NUP153: variants seen among roughly 807,000 people sequenced by gnomAD.
NUP153 encodes nuclear pore complex protein Nup153.
A neutral mutation model predicts 134.6 loss-of-function variants in NUP153; 27 were observed. That is an observed-to-expected ratio of 0.20 (90% CI 0.15 to 0.28). NUP153 has a LOEUF of 0.28. Ranked by LOEUF, NUP153 falls within the 10% of genes least tolerant of loss-of-function variation. The pLI, the probability that NUP153 is intolerant of heterozygous loss-of-function variation, is 1.00. For missense variants in NUP153, 1,821 were observed against 1,731.3 expected, an observed-to-expected ratio of 1.05 and a Z score of -0.92; for synonymous variants, 640 against 623.5, an observed-to-expected ratio of 1.03 and a Z score of -0.40.
intron 2 of NUP153, among the ~76,000 whole-genome samples, chr6:17,682,490 C>T (rs1341779910): frequency 3.9e-5 from 6 of 152,156 alleles, no homozygotes; most frequent in Non-Finnish European, 8.8e-5. Context: ...ATTCTAACTG[C>T]AGAATTTTCA....
At chr6:17,644,715 G>A (rs1443314218) in intron 14 of NUP153, among the ~76,000 whole-genome samples, 3 of 152,140 alleles carry the variant, frequency 2.0e-5, no homozygotes, top group Non-Finnish European at 4.4e-5. Context: ...GGCCAAGGTG[G>A]GCAGATCACC....
At position 17,675,082 on chromosome 6, in the gene NUP153, T is replaced by C; in HGVS notation, c.724-49A>G. Reference sequence around the variant, plus strand: ...TTATAAGCCATATGAACCCAGGAGGTGGAGGTTGCAGTGAGTTAAGATCAT... The same window carrying C: ...TTATAAGCCATATGAACCCAGGAGGCGGAGGTTGCAGTGAGTTAAGATCAT... On this transcript the variant is annotated intron_variant, in intron 4 of 21. Coordinates refer to ENST00000262077, the MANE Select transcript of NUP153 (RefSeq NM_005124.4). This position sits in a 1 kb window ranked among gnomAD's most constrained non-coding sequence, Gnocchi z 4.4. The C allele has an allele frequency of 6.3e-7, 1 of 1,599,602 alleles. No homozygotes were observed. Among genetic ancestry groups the C allele is most frequent in the Non-Finnish European group, 8.5e-7 (1 of 1,172,458 alleles).
In NUP153 at chr6:17,675,245, A is replaced by C. The variant is rs773570751; in HGVS notation, c.707T>G (p.Phe236Cys). Residue 236 changes from phenylalanine (F) to cysteine (C), a missense_variant, in exon 4 of 22, where the codon TTT becomes TGT. Physicochemically the swap from Phe to Cys is radical, Grantham distance 205. Coordinates refer to ENST00000262077, the MANE Select transcript of NUP153 (RefSeq NM_005124.4). This position sits in a 1 kb window ranked among gnomAD's most constrained non-coding sequence, Gnocchi z 4.4. The stretch of plus-strand genomic sequence containing the variant: ...AGTACTCACAGGGGAAAGTGTTCCA[A>C]AGGCAGACAAGTTGAATGCTGGTTT... ...SKKPAFNLSA[F>C]GTLSPSLGNS... is the part of the protein sequence containing the mutation. 1 of 1,614,178 alleles carries C rather than the reference A, an allele frequency of 6.2e-7. No individual in the cohort carries two copies. Among genetic ancestry groups the C allele is most frequent in the Admixed American group, 1.7e-5 (1 of 60,026 alleles).
At position 17,706,118 on chromosome 6, in the gene NUP153, T is replaced by C. The variant is rs928081374; in HGVS notation, c.111+159A>G. On this transcript the variant is annotated intron_variant, in intron 1 of 21. Coordinates refer to ENST00000262077, the MANE Select transcript of NUP153 (RefSeq NM_005124.4). The surrounding 1 kb of genome is among the most constrained non-coding windows in gnomAD (Gnocchi z 5.9). Reference sequence around the variant, plus strand: ...TGGGCCTGTCTCAGCCCACTTCCCGTCGCCACCCCCAACGGCCTGAGCTCC... The same window carrying C: ...TGGGCCTGTCTCAGCCCACTTCCCGCCGCCACCCCCAACGGCCTGAGCTCC... 12 of 630,772 alleles carry C rather than the reference T, an allele frequency of 1.9e-5. No homozygotes were observed. In the Admixed American group the frequency reaches 3.0e-4, roughly 16 times the overall value. The allele number at this position is 630,772 out of a possible 1,614,324, so 39.1% of individuals were successfully genotyped here. A position where few individuals can be genotyped will look rare whatever the true frequency, so the allele number is the denominator to read the frequency against.
At chr6:17,639,535 T>C (rs1182916602) in intron 15 of NUP153, among the ~76,000 whole-genome samples, 1 of 152,254 alleles carries the variant, frequency 6.6e-6, no homozygotes, top group African/African-American at 2.4e-5. Context: ...CTGCTCCCTA[T>C]GTATATGTTA....
chr6:17,644,018 T>C (rs2113792916), intron 14 of NUP153, among the ~76,000 whole-genome samples: 1 of 152,256 alleles, frequency 6.6e-6, no homozygotes, highest in South Asian at 2.1e-4. Context: ...AATTCCTTAT[T>C]AATTTCTATT....
chr6:17,670,093 C>G lies in NUP153; in HGVS notation c.853-547G>C, dbSNP rs1253189861. 7.8e-5 allele frequency among the ~76,000 whole-genome samples: 5 copies of G among 64,046 alleles called. No homozygotes were observed. In the South Asian group the frequency reaches 2.9e-3, roughly 38 times the overall value. The allele number at this position is 64,046 out of a possible 152,430, so 42.0% of individuals were successfully genotyped here. A position where few individuals can be genotyped will look rare whatever the true frequency, so the allele number is the denominator to read the frequency against. On this transcript the variant is annotated intron_variant, in intron 5 of 21. Coordinates refer to ENST00000262077, the MANE Select transcript of NUP153 (RefSeq NM_005124.4). ...CCTGGGCAACAGAGCGAGACTCTTT[C>G]TCAAAAAAAAAAAAAAAAAAAAAAA...
At chr6:17,618,588 T>TG (rs1435772004) in intron 20 of NUP153, among the ~76,000 whole-genome samples, 1 of 145,778 alleles carries the variant, frequency 6.9e-6, no homozygotes, top group African/African-American at 2.6e-5. Context: ...TTTTTAAAGA[T>TG]GGAGTCTGGC....
intron 5 of NUP153, among the ~76,000 whole-genome samples, chr6:17,673,226 A>G (rs1768021082): frequency 6.6e-6 from 1 of 152,114 alleles, no homozygotes; most frequent in African/African-American, 2.4e-5. Context: ...AAAATCAGCC[A>G]GGTGTGGTGG....
intron 1 of NUP153, among the ~76,000 whole-genome samples, chr6:17,691,166 G>A (rs1231605025): frequency 6.6e-6 from 1 of 151,890 alleles, no homozygotes; most frequent in African/African-American, 2.4e-5. Context: ...AAAAGGAAAG[G>A]TATAGGTAGC....
chr6:17,685,848 A>C (rs1217274197), intron 2 of NUP153, among the ~76,000 whole-genome samples: 1 of 151,822 alleles, frequency 6.6e-6, no homozygotes, highest in African/African-American at 2.4e-5. Flanking sequence ...TTCCACTTAC[A>C]TTAAAAAAAA....
intron 10 of NUP153, 48 bp downstream of exon 10, chr6:17,661,970 T>C (rs1283862766): frequency 7.1e-7 from 1 of 1,409,702 alleles, no homozygotes; most frequent in Non-Finnish European, 1.0e-6. Context: ...AATACAGACC[T>C]TACAAGTTAA....
At chr6:17,651,849 T>C in intron 11 of NUP153, 1 of 661,612 alleles carries the variant, frequency 1.5e-6, no homozygotes, top group Non-Finnish European at 2.8e-6. Flanking sequence ...ATCTCAGCAC[T>C]TTGAGAGGCC....
At chr6:17,667,032 C>A (rs1184318671) in intron 8 of NUP153, among the ~76,000 whole-genome samples, 1 of 152,092 alleles carries the variant, frequency 6.6e-6, no homozygotes, top group African/African-American at 2.4e-5. Context: ...TTCTTAGCAC[C>A]CATTAATAAA....
intron 14 of NUP153, among the ~76,000 whole-genome samples, chr6:17,644,551 C>A (rs770671243): frequency 9.9e-5 from 15 of 152,166 alleles, no homozygotes; most frequent in Non-Finnish European, 2.2e-4. Flanking sequence ...GTTTATATTT[C>A]TTGGGTAAAA....
intron 14 of NUP153, among the ~76,000 whole-genome samples, chr6:17,644,432 T>C (rs1766029941): frequency 6.6e-6 from 1 of 152,196 alleles, no homozygotes; most frequent in South Asian, 2.1e-4. Flanking sequence ...TAGCATAGCA[T>C]TCCAGAACTT....
intron 20 of NUP153, among the ~76,000 whole-genome samples, chr6:17,623,902 T>C (rs1764779600): frequency 6.6e-6 from 1 of 152,110 alleles, no homozygotes; most frequent in Non-Finnish European, 1.5e-5. Flanking sequence ...GTGGTCATCA[T>C]TAGAGTGGAG....
In NUP153 at chr6:17,616,011, A is replaced by T. The variant is rs1764294500; in HGVS notation, c.*86T>A. On this transcript the variant is annotated 3_prime_UTR_variant, in exon 22 of 22. Transcript: ENST00000262077. ...GAAGTCCTTAGGCAGATCTGACTTC[A>T]GATAACCCCAGCACAAAGTACAATC... The T allele has an allele frequency of 2.1e-6, 2 of 963,894 alleles. No homozygotes were observed. The highest frequency in any genetic ancestry group is 5.0e-5 in the East Asian group (2 of 40,208). The allele number at this position is 963,894 out of a possible 1,614,324, so 59.7% of individuals were successfully genotyped here. A position where few individuals can be genotyped will look rare whatever the true frequency, so the allele number is the denominator to read the frequency against.
intron 11 of NUP153, among the ~76,000 whole-genome samples, chr6:17,659,089 C>T (rs1767012841): frequency 6.6e-6 from 1 of 152,210 alleles, no homozygotes; most frequent in East Asian, 1.9e-4. Flanking sequence ...ACAACCAACG[C>T]TTCAAAAGTT....
Sources: allele counts gnomAD v4.1 joint callset (sites outside exome capture counted in the v4.1 genomes callset), GRCh38; gene constraint gnomAD v4.1.1; non-coding constraint Gnocchi (gnomAD v3.1); transcripts MANE v1.5; gene names NCBI Gene and HGNC (gene_info 2026-07-23, HGNC 2026-07-21).